The following EIF4G3 variants were observed in gnomAD, a reference collection of about 807,000 sequenced individuals.
EIF4G3 encodes eukaryotic translation initiation factor 4 gamma 3, also known as eIF-4-gamma 3.
EIF4G3 carries 34 observed loss-of-function variants against 186.4 expected under a neutral mutation model. That is an observed-to-expected ratio of 0.18 (90% CI 0.14 to 0.24). EIF4G3 has a LOEUF of 0.24. Among genes scored for constraint, EIF4G3 ranks in the 10% least tolerant of loss-of-function variants. The pLI is 1.00. For missense variants in EIF4G3, 1,536 were observed against 1,948.5 expected, an observed-to-expected ratio of 0.79 and a Z score of 3.99; for synonymous variants, 673 against 679.5, an observed-to-expected ratio of 0.99 and a Z score of 0.15.
intron 30 of EIF4G3, 68 bp downstream of exon 30, chr1:20,840,788 G>A (rs2154549199): frequency 1.4e-6 from 2 of 1,446,496 alleles, no homozygotes; most frequent in Non-Finnish European, 1.9e-6. Context: ...AAAGAGGTAA[G>A]TACTTTGAAA....
chr1:21,003,670 AT>A (rs564099133), intron 4 of EIF4G3: 30 of 364,804 alleles, frequency 8.2e-5, no homozygotes, highest in South Asian at 1.6e-4. Flanking sequence ...TTATTCTGCC[AT>A]TTTTTTTCTA....
At chr1:21,152,749 T>C (rs2097573393) in intron 2 of EIF4G3, among the ~76,000 whole-genome samples, 1 of 152,214 alleles carries the variant, frequency 6.6e-6, no homozygotes, top group Non-Finnish European at 1.5e-5. Flanking sequence ...AATGAACAAT[T>C]ATCTTCAAAT....
At chr1:20,929,088 G>T (rs1486533170) in intron 14 of EIF4G3, among the ~76,000 whole-genome samples, 2 of 152,122 alleles carry the variant, frequency 1.3e-5, no homozygotes, top group African/African-American at 4.8e-5. Context: ...ATATTTCATG[G>T]TATGTATATA....
intron 2 of EIF4G3, among the ~76,000 whole-genome samples, chr1:21,138,843 A>G (rs1161779992): frequency 1.3e-5 from 2 of 151,926 alleles, no homozygotes; most frequent in East Asian, 1.9e-4. Flanking sequence ...TTCCTCATGG[A>G]AAAAAAATAG....
In EIF4G3 at chr1:21,176,225, GACCGCTGCCGCCGCCGCCGCC is replaced by G; in HGVS notation, c.-343_-323del. 2.4e-6 allele frequency: 1 copy of G among 415,010 alleles called. No homozygotes were observed. The highest frequency in any genetic ancestry group is 4.2e-6 in the Non-Finnish European group (1 of 240,238). 25.7% of individuals were successfully genotyped at this position (415,010 alleles called of 1,614,324 possible). ...CCCTGATGTTCGGGTGAGGAGGGGG[GACCGCTGCCGCCGCCGCCGCC>G]GCCGCCGCCGCCGCCGCCGCTGCTG... is the stretch of plus-strand genomic sequence containing the variant. On this transcript the variant is annotated 5_prime_UTR_variant, in exon 2 of 37. Transcript: ENST00000602326.
chr1:20,987,475 T>C (rs1418272420), intron 7 of EIF4G3, among the ~76,000 whole-genome samples: 1 of 152,258 alleles, frequency 6.6e-6, no homozygotes, highest in East Asian at 1.9e-4. Flanking sequence ...AGCACCATTT[T>C]TCCAACAGCA....
chr1:21,121,052 G>C (rs941161997), intron 2 of EIF4G3, among the ~76,000 whole-genome samples: 4 of 152,056 alleles, frequency 2.6e-5, no homozygotes, highest in African/African-American at 9.7e-5. Flanking sequence ...CCAAGTAGGT[G>C]GGACTACAGG....
intron 17 of EIF4G3, among the ~76,000 whole-genome samples, chr1:20,895,165 T>C: frequency 6.6e-6 from 1 of 152,004 alleles, no homozygotes; most frequent in Non-Finnish European, 1.5e-5. Flanking sequence ...CACTCCAACA[T>C]GGGCCAAATC....
intron 4 of EIF4G3, among the ~76,000 whole-genome samples, chr1:21,029,570 G>A (rs1208022507): frequency 2.6e-5 from 4 of 151,984 alleles, no homozygotes; most frequent in African/African-American, 9.7e-5. Flanking sequence ...AGGAGTTTGA[G>A]ACAAGCCTGC....
At chr1:21,172,788 T>A in intron 2 of EIF4G3, among the ~76,000 whole-genome samples, 1 of 150,682 alleles carries the variant, frequency 6.6e-6, no homozygotes, top group African/African-American at 2.5e-5. Context: ...GATCTCATGA[T>A]CTGCCCACCT....
At chr1:21,123,574 AAAAG>A (rs2096966238) in intron 2 of EIF4G3, among the ~76,000 whole-genome samples, 2 of 151,990 alleles carry the variant, frequency 1.3e-5, no homozygotes, top group Admixed American at 1.3e-4. Context: ...AAAAAAAAAA[AAAAG>A]AAAGAAAAAA....
Position 20,886,281 on chromosome 1 carries a change from G to A in EIF4G3, c.2344C>T (p.Leu782=). 2 of 1,613,976 alleles carry A rather than the reference G, an allele frequency of 1.2e-6. No individual in the cohort carries two copies. The highest frequency in any genetic ancestry group is 1.7e-6 in the Non-Finnish European group (2 of 1,179,938). ...ITVSVKEDVH[L]KKAENAWKPS... is the part of the protein sequence containing the mutation. ...TTCCAGGCATTTTCTGCCTTTTTCA[G>A]GTGTACATCTTCTTTTACAGAAACT... Residue 782 remains leucine (L), a synonymous_variant, in exon 19 of 37, where the codon CTG becomes TTG. Transcript: ENST00000602326.
Position 20,862,241 on chromosome 1 carries a change from A to G in EIF4G3, c.3098T>C (p.Ile1033Thr), listed in dbSNP as rs1376063237. 6.2e-7 allele frequency: 1 copy of G among 1,602,152 alleles called. No individual in the cohort carries two copies. The highest frequency in any genetic ancestry group is 8.5e-7 in the Non-Finnish European group (1 of 1,172,764). The change falls in exon 23 of 37, where the codon ATA becomes ACA. Residue 1033 changes from isoleucine to threonine, a missense_variant. Physicochemically the swap from Ile to Thr is moderately conservative, Grantham distance 89 (BLOSUM62 -1). Transcript: ENST00000602326. ...SRIRFMLQDVIDLRLCNWVSR... is the reference protein window; with the variant it reads ...SRIRFMLQDVTDLRLCNWVSR... ...TTTCCCACTCACCAGCCTTAGGTCT[A>G]TAACATCTTGAAGCATGAACCGAAT... is the stretch of plus-strand genomic sequence containing the variant.
intron 27 of EIF4G3, among the ~76,000 whole-genome samples, chr1:20,853,208 G>T (rs1376836781): frequency 1.3e-5 from 2 of 152,184 alleles, no homozygotes; most frequent in Admixed American, 6.5e-5. Flanking sequence ...TGAAGAGTGT[G>T]ACAGAGAAAT....
intron 2 of EIF4G3, among the ~76,000 whole-genome samples, chr1:21,173,054 G>A (rs879912271): frequency 3.8e-5 from 5 of 132,664 alleles, no homozygotes; most frequent in African/African-American, 1.1e-4. Flanking sequence ...TAGGGGAATC[G>A]TTTGAACCCA....
intron 20 of EIF4G3, among the ~76,000 whole-genome samples, chr1:20,878,711 G>A (rs1011430094): frequency 6.6e-6 from 1 of 152,188 alleles, no homozygotes; most frequent in Admixed American, 6.5e-5. Flanking sequence ...AGAGAAAACA[G>A]ATGATACATG....
intron 14 of EIF4G3, among the ~76,000 whole-genome samples, chr1:20,919,795 C>T (rs1479923877): frequency 6.6e-6 from 1 of 152,074 alleles, no homozygotes; most frequent in African/African-American, 2.4e-5. Context: ...TTTTAGAGAC[C>T]CTTTTATAGA....
At chr1:21,157,592 T>TC (rs1047248017) in intron 2 of EIF4G3, among the ~76,000 whole-genome samples, 7 of 152,072 alleles carry the variant, frequency 4.6e-5, no homozygotes, top group Admixed American at 4.6e-4. Context: ...CTGTCTAGCC[T>TC]CCCAAAGTGC....
chr1:20,817,269 T>TAAAAAAAA (rs2061289116), intron 34 of EIF4G3, 123 bp downstream of exon 34: 1 of 254,778 alleles, frequency 3.9e-6, no homozygotes, highest in African/African-American at 2.7e-5. Context: ...AATAAAAAAA[T>TAAAAAAAA]AAATAAATAA....
Sources: allele counts gnomAD v4.1 joint callset (sites outside exome capture counted in the v4.1 genomes callset), GRCh38; gene constraint gnomAD v4.1.1; transcripts MANE v1.5; gene names NCBI Gene and HGNC (gene_info 2026-07-23, HGNC 2026-07-21).